Variants in MGAT4C observed in about 807,000 individuals in gnomAD.
MGAT4C encodes MGAT4 family member C.
Under a neutral mutation model 40.1 loss-of-function variants are expected in MGAT4C, and 19 were observed. The ratio of observed to expected loss-of-function variants is 0.47; its 90% CI spans 0.33 to 0.70. The LOEUF is 0.70. MGAT4C is among the 30% of genes least tolerant of loss of function. The pLI is 0.02. For missense variants in MGAT4C, 491 were observed against 563.2 expected, an observed-to-expected ratio of 0.87 and a Z score of 1.30; for synonymous variants, 181 against 187.1, an observed-to-expected ratio of 0.97 and a Z score of 0.27.
intron 1 of MGAT4C, among the ~76,000 whole-genome samples, chr12:86,069,909 T>C (rs1373673601): frequency 6.6e-6 from 1 of 152,108 alleles, no homozygotes; most frequent in African/African-American, 2.4e-5. Context: ...CAAGTTTTTC[T>C]ACACAAAATT....
At chr12:85,996,207 TA>T (rs1410441864) in intron 2 of MGAT4C, among the ~76,000 whole-genome samples, 1 of 151,986 alleles carries the variant, frequency 6.6e-6, no homozygotes, top group Non-Finnish European at 1.5e-5. Context: ...AAAAGGATAT[TA>T]AAAAGGCTAT....
chr12:86,212,626 C>T (rs1435016864), intron 1 of MGAT4C, among the ~76,000 whole-genome samples: 4 of 151,024 alleles, frequency 2.6e-5, no homozygotes, highest in African/African-American at 7.3e-5. Context: ...CGGTGGCTCA[C>T]GCCTGTAATC....
intron 2 of MGAT4C, among the ~76,000 whole-genome samples, chr12:86,499,096 T>G (rs1958290462): frequency 6.6e-6 from 1 of 151,912 alleles, no homozygotes; most frequent in African/African-American, 2.4e-5. Flanking sequence ...TTACTTTGTG[T>G]TAAGAATACA....
intron 2 of MGAT4C, among the ~76,000 whole-genome samples, chr12:86,533,207 C>T (rs980910522): frequency 1.3e-5 from 2 of 151,914 alleles, no homozygotes; most frequent in South Asian, 2.1e-4. Context: ...AGCCACAAAC[C>T]GTTCAGAAAC....
intron 4 of MGAT4C, among the ~76,000 whole-genome samples, chr12:86,327,312 T>A (rs972116411): frequency 3.3e-5 from 5 of 152,106 alleles, no homozygotes; most frequent in East Asian, 1.9e-4. Context: ...TTGGATTTTT[T>A]AATTTTTTTA....
intron 4 of MGAT4C, among the ~76,000 whole-genome samples, chr12:86,300,083 C>A (rs1953773632): frequency 6.6e-6 from 1 of 152,170 alleles, no homozygotes; most frequent in Non-Finnish European, 1.5e-5. Context: ...TCTTTTCTGG[C>A]TCAGCTTCAT....
rs1275294647 is a variant in MGAT4C at position 86,735,177 on chromosome 12, T to C, written c.-261-7936A>G. On this transcript the variant is annotated intron_variant, in intron 1 of 7. Transcript: ENST00000548651. Reference sequence around the variant, plus strand: ...GAGATTAGAACAAGGGAGTCAAGAATATTTTAAACACAGTAATAGTAAGTA... The same window carrying C: ...GAGATTAGAACAAGGGAGTCAAGAACATTTTAAACACAGTAATAGTAAGTA... Among the ~76,000 whole-genome samples the C allele has an allele frequency of 2.0e-5, 3 of 151,386 alleles. No individual in the cohort carries two copies. The East Asian group carries it at 5.8e-4, about 29-fold the overall frequency.
At chr12:86,626,707 A>G (rs1007748149) in intron 2 of MGAT4C, among the ~76,000 whole-genome samples, 2 of 152,236 alleles carry the variant, frequency 1.3e-5, no homozygotes, top group Admixed American at 6.5e-5. Context: ...TTACTAAATA[A>G]ATGGTAATAG....
intron 3 of MGAT4C, among the ~76,000 whole-genome samples, chr12:86,385,894 C>T (rs774682819): frequency 7.0e-4 from 106 of 151,982 alleles, no homozygotes; most frequent in Non-Finnish European, 1.3e-3. Context: ...CAAATGTTAC[C>T]ATTATTCTTA....
intron 2 of MGAT4C, among the ~76,000 whole-genome samples, chr12:86,648,932 C>T (rs1410643274): frequency 2.0e-5 from 3 of 150,032 alleles, no homozygotes; most frequent in South Asian, 4.2e-4. Flanking sequence ...CCTATGTATA[C>T]TCTGAAATTG....
At chr12:86,156,759 C>A (rs1884986730) in intron 1 of MGAT4C, among the ~76,000 whole-genome samples, 1 of 152,126 alleles carries the variant, frequency 6.6e-6, no homozygotes, top group Non-Finnish European at 1.5e-5. Flanking sequence ...CATTTTTCTA[C>A]TGAGTAAATT....
At chr12:86,608,790 G>A (rs934203924) in intron 2 of MGAT4C, among the ~76,000 whole-genome samples, 1 of 151,804 alleles carries the variant, frequency 6.6e-6, no homozygotes, top group Non-Finnish European at 1.5e-5. Context: ...ATGTGCATAA[G>A]ATGTCTATGT....
At chr12:86,274,146 T>G (rs1953014165) in intron 4 of MGAT4C, among the ~76,000 whole-genome samples, 1 of 151,998 alleles carries the variant, frequency 6.6e-6, no homozygotes, top group Non-Finnish European at 1.5e-5. Context: ...GCTACACACT[T>G]TTAAACAACC....
At chr12:86,770,763 A>G (rs1951619348) in intron 1 of MGAT4C, among the ~76,000 whole-genome samples, 1 of 152,110 alleles carries the variant, frequency 6.6e-6, no homozygotes, top group Admixed American at 6.6e-5. Flanking sequence ...TTTGAAATTT[A>G]GGTGTCAAAT....
At chr12:86,457,782 A>G (rs1018251360) in intron 2 of MGAT4C, among the ~76,000 whole-genome samples, 2 of 152,156 alleles carry the variant, frequency 1.3e-5, no homozygotes, top group African/African-American at 4.8e-5. Flanking sequence ...ATTTCTAGGA[A>G]AATCAAAACA....
At chr12:86,489,895 C>T (rs1042632287) in intron 2 of MGAT4C, among the ~76,000 whole-genome samples, 2 of 152,118 alleles carry the variant, frequency 1.3e-5, no homozygotes, top group African/African-American at 2.4e-5. Context: ...AAGAAATGAA[C>T]AAAGCATCCA....
intron 2 of MGAT4C, among the ~76,000 whole-genome samples, chr12:86,550,867 T>C (rs549257117): frequency 1.3e-5 from 2 of 152,330 alleles, no homozygotes; most frequent in Non-Finnish European, 2.9e-5. Flanking sequence ...GCCTGGGGCC[T>C]GACAAATAGC....
intron 4 of MGAT4C, among the ~76,000 whole-genome samples, chr12:86,283,821 CT>C (rs1953280432): frequency 1.3e-5 from 2 of 152,110 alleles, no homozygotes; most frequent in Admixed American, 1.3e-4. Context: ...TGTTGGAACA[CT>C]GCTTTTCTTC....
chr12:86,027,345 A>G (rs1221074001), intron 2 of MGAT4C, among the ~76,000 whole-genome samples: 1 of 151,868 alleles, frequency 6.6e-6, no homozygotes, highest in Non-Finnish European at 1.5e-5. Flanking sequence ...ATAATTTAAA[A>G]TTTTTATATT....
Sources: allele counts gnomAD v4.1 joint callset (sites outside exome capture counted in the v4.1 genomes callset), GRCh38; gene constraint gnomAD v4.1.1; transcripts MANE v1.5; gene names NCBI Gene and HGNC (gene_info 2026-07-23, HGNC 2026-07-21).